Variants in STIMATE observed in about 807,000 individuals in gnomAD.
STIMATE encodes the protein store-operated calcium entry regulator STIMATE.
STIMATE carries 15 observed loss-of-function variants against 36.7 expected under a neutral mutation model. The observed-to-expected ratio is 0.41, with a 90% CI of 0.27 to 0.63. The LOEUF (loss-of-function observed/expected upper bound fraction) is 0.63, where lower values mean the gene tolerates loss of function less well. Ranked by LOEUF, STIMATE falls within the 20% of genes least tolerant of loss-of-function variation. The pLI is 0.32. For synonymous variants in STIMATE, 163 were observed against 162.3 expected (o/e 1.00, Z -0.03); for missense variants, 305 against 397.3 (o/e 0.77, Z 1.98).
At position 52,837,140 on chromosome 3, in the gene STIMATE, G is replaced by A. The variant is rs1483894065; in HGVS notation, c.*3354C>T. 1 of 153,584 alleles carries A rather than the reference G, an allele frequency of 6.5e-6. No individual in the cohort carries two copies. The highest frequency in any genetic ancestry group is 2.4e-5 in the African/African-American group (1 of 41,476). The allele number at this position is 153,584 out of a possible 1,614,324, so 9.5% of individuals were successfully genotyped here. A position where few individuals can be genotyped will look rare whatever the true frequency, so the allele number is the denominator to read the frequency against. On this transcript the variant is annotated 3_prime_UTR_variant, in exon 8 of 8. Coordinates refer to ENST00000355083, the MANE Select transcript of STIMATE (RefSeq NM_198563.5). ...TAAAAGCCAGCCCCACATTCTACAA[G>A]GCAGCTGCTCTGGCCAGTGGGAAGC...
At chr3:52,876,897 T>C (rs1038200051) in intron 1 of STIMATE, among the ~76,000 whole-genome samples, 13 of 152,328 alleles carry the variant, frequency 8.5e-5, no homozygotes, top group African/African-American at 2.9e-4. Flanking sequence ...ACCCCCACGC[T>C]GTTCAAGGAT....
At chr3:52,850,055 G>A (rs1700971126) in intron 3 of STIMATE, 142 bp from the exon 4 acceptor site, 1 of 1,392,624 alleles carries the variant, frequency 7.2e-7, no homozygotes, top group Non-Finnish European at 9.4e-7. Context: ...TCATGTGCCA[G>A]TGTAGCTGTC....
chr3:52,896,616 T>A (rs1382075722), intron 1 of STIMATE, among the ~76,000 whole-genome samples: 1 of 152,006 alleles, frequency 6.6e-6, no homozygotes, highest in Non-Finnish European at 1.5e-5. Flanking sequence ...TAGATGCGGC[T>A]TATTAGGAAA....
At chr3:52,895,543 A>G (rs913026136) in intron 1 of STIMATE, among the ~76,000 whole-genome samples, 9 of 152,232 alleles carry the variant, frequency 5.9e-5, no homozygotes, top group African/African-American at 2.2e-4. Context: ...TACCAACCAC[A>G]GTGGGATTTG....
rs1553628936 is a variant in STIMATE, at chr3:52,859,172, A to AAAT, written c.161-3729_161-3728insATT. 7.5e-3 allele frequency among the ~76,000 whole-genome samples: 1,094 copies of AAAT among 145,972 alleles called. 5 individuals are homozygous for AAAT. Among genetic ancestry groups the AAAT allele is most frequent in the Non-Finnish European group, 0.011 (702 of 66,302 alleles). On this transcript the variant is annotated intron_variant, in intron 1 of 7. Transcript: ENST00000355083. ...AGCGAGACTCCATCTCAAAAAAAAT[A>AAAT]AAATAAATAAAATAAAATAAAATAA... is the stretch of plus-strand genomic sequence containing the variant.
intron 6 of STIMATE, 78 bp from the exon 7 acceptor site, chr3:52,843,038 C>T: frequency 1.3e-6 from 2 of 1,590,550 alleles, no homozygotes; most frequent in Non-Finnish European, 1.7e-6. Context: ...CATCCGCCCA[C>T]TCCCATTCCA....
chr3:52,873,956 T>C (rs1701454360), intron 1 of STIMATE, among the ~76,000 whole-genome samples: 1 of 152,176 alleles, frequency 6.6e-6, no homozygotes, highest in East Asian at 1.9e-4. Context: ...CAACGATATG[T>C]GTGTGTGTGT....
intron 1 of STIMATE, among the ~76,000 whole-genome samples, chr3:52,868,963 A>T (rs1304828314): frequency 1.3e-5 from 2 of 152,040 alleles, no homozygotes; most frequent in Non-Finnish European, 2.9e-5. Flanking sequence ...CTTTCTGACA[A>T]CCCGGCAAAG....
At chr3:52,880,315 G>C (rs1254454882) in intron 1 of STIMATE, among the ~76,000 whole-genome samples, 1 of 152,232 alleles carries the variant, frequency 6.6e-6, no homozygotes, top group Non-Finnish European at 1.5e-5. Flanking sequence ...TATACAAGAG[G>C]GACCAGATGT....
At chr3:52,861,053 G>A (rs1333368545) in intron 1 of STIMATE, among the ~76,000 whole-genome samples, 1 of 152,236 alleles carries the variant, frequency 6.6e-6, no homozygotes, top group Non-Finnish European at 1.5e-5. Context: ...TTTGCAGGAT[G>A]GAGGGGACTT....
Position 52,836,781 on chromosome 3 carries a change from C to A in STIMATE, c.*3713G>T. The A allele has an allele frequency of 3.0e-6, 1 of 335,066 alleles. No homozygotes were observed. The highest frequency in any genetic ancestry group is 2.1e-5 in the African/African-American group (1 of 46,698). The allele number at this position is 335,066 out of a possible 1,614,324, so 20.8% of individuals were successfully genotyped here. A position where few individuals can be genotyped will look rare whatever the true frequency, so the allele number is the denominator to read the frequency against. On this transcript the variant is annotated 3_prime_UTR_variant, in exon 8 of 8. Transcript: ENST00000355083. ...TAAGATGCCAAACTTTATTGTAAAC[C>A]ATTTTACAATGTAAGTACATCATCT...
chr3:52,858,776 G>A (rs1367416911), intron 1 of STIMATE, among the ~76,000 whole-genome samples: 3 of 152,136 alleles, frequency 2.0e-5, no homozygotes, highest in Admixed American at 6.5e-5. Flanking sequence ...CTGCAATACT[G>A]TCGTAACTGA....
intron 5 of STIMATE, among the ~76,000 whole-genome samples, chr3:52,844,217 A>G (rs1311549430): frequency 1.3e-5 from 2 of 152,242 alleles, no homozygotes; most frequent in African/African-American, 4.8e-5. Context: ...CCTAAAAGAC[A>G]ACAGCACTGA....
intron 3 of STIMATE, among the ~76,000 whole-genome samples, chr3:52,851,598 G>A (rs1275283872): frequency 4.6e-5 from 7 of 152,220 alleles, no homozygotes; most frequent in Non-Finnish European, 1.0e-4. Context: ...ACCAGAGATG[G>A]CAGGAGCAGC....
At chr3:52,866,387 G>C (rs1401614237) in intron 1 of STIMATE, among the ~76,000 whole-genome samples, 1 of 152,220 alleles carries the variant, frequency 6.6e-6, no homozygotes, top group Non-Finnish European at 1.5e-5. Flanking sequence ...GAGGGGCCTG[G>C]CAGGGCTCCC....
intron 1 of STIMATE, among the ~76,000 whole-genome samples, chr3:52,858,577 G>C (rs531651386): frequency 6.6e-6 from 1 of 152,144 alleles, no homozygotes; most frequent in Non-Finnish European, 1.5e-5. Flanking sequence ...GTGAGCTATC[G>C]CATCACTGCA....
chr3:52,852,478 C>G, intron 3 of STIMATE, 125 bp downstream of exon 3: 1 of 1,178,248 alleles, frequency 8.5e-7, no homozygotes, highest in Non-Finnish European at 1.2e-6. Flanking sequence ...CAGAGGAGCA[C>G]AGAGGAAAAG....
intron 7 of STIMATE, among the ~76,000 whole-genome samples, chr3:52,842,344 G>A (rs978054744): frequency 1.3e-4 from 20 of 152,204 alleles, no homozygotes. Flanking sequence ...GAAAATAAGG[G>A]GGGGATGAGT....
intron 1 of STIMATE, among the ~76,000 whole-genome samples, chr3:52,857,871 G>A (rs1701136922): frequency 1.3e-5 from 2 of 152,066 alleles, no homozygotes; most frequent in Non-Finnish European, 1.5e-5. Flanking sequence ...ACCTCAGAGC[G>A]AGACTATTTG....
Sources: gnomAD v4.1 joint callset for allele counts (sites outside exome capture counted in the v4.1 genomes callset) on GRCh38, gnomAD v4.1.1 for gene constraint, MANE v1.5 for transcripts, NCBI Gene and HGNC (gene_info 2026-07-23, HGNC 2026-07-21) for gene names.